The following FLT4 variants were observed in gnomAD, a reference collection of about 807,000 sequenced individuals.
FLT4 encodes the protein vascular endothelial growth factor receptor 3.
FLT4 carries 30 observed loss-of-function variants against 163.2 expected under a neutral mutation model. The ratio of observed to expected loss-of-function variants is 0.18; its 90% CI spans 0.14 to 0.25. FLT4 has a LOEUF of 0.25. Among genes scored for constraint, FLT4 ranks in the 10% least tolerant of loss-of-function variants. The pLI is 1.00. For synonymous variants in FLT4, 884 were observed against 789.5 expected, an observed-to-expected ratio of 1.12 and a Z score of -2.01; for missense variants, 1,510 against 1,863.8, an observed-to-expected ratio of 0.81 and a Z score of 3.50.
intron 1 of FLT4, among the ~76,000 whole-genome samples, chr5:180,641,262 G>A (rs959924719): frequency 2.0e-5 from 3 of 152,190 alleles, no homozygotes; most frequent in South Asian, 4.1e-4. Flanking sequence ...CTCCTGGGCC[G>A]GGGTGTCATC....
chr5:180,608,085 C>T (rs757097290), intron 29 of FLT4: 2 of 700,452 alleles, frequency 2.9e-6, no homozygotes, highest in South Asian at 3.0e-5. Context: ...ATCCGGAGGC[C>T]TAACCCCTCC....
At position 180,603,151 on chromosome 5, in the gene FLT4, G is replaced by A. The variant is rs762595641; in HGVS notation, c.*41C>T. 2.1e-5 allele frequency: 33 copies of A among 1,604,112 alleles called. 1 individual carries two copies. The South Asian group carries it at 2.9e-4, about 14-fold the overall frequency. ...CTCCAGCCCTCTGCCCGCCCTGCCG[G>A]GCCTGAACCCCCAAGTGCTGGGGGT... is the stretch of plus-strand genomic sequence containing the variant. On this transcript the variant is annotated 3_prime_UTR_variant, in exon 30 of 30. Transcript: ENST00000261937.
At chr5:180,611,699 A>G in intron 26 of FLT4, 4 of 606,318 alleles carry the variant, frequency 6.6e-6, no homozygotes, top group Non-Finnish European at 1.2e-5. Flanking sequence ...GCCCTAACAG[A>G]CCATGCGGGC....
intron 28 of FLT4, 83 bp downstream of exon 28, chr5:180,609,822 C>G: frequency 6.4e-7 from 1 of 1,557,462 alleles, no homozygotes; most frequent in East Asian, 2.3e-5. Context: ...TGCCATTTGC[C>G]TTACGAATTC....
chr5:180,618,996 G>A (rs759215416), intron 20 of FLT4, 25 bp downstream of exon 20: 3 of 1,547,410 alleles, frequency 1.9e-6, no homozygotes, highest in Non-Finnish European at 2.6e-6. Context: ...CGCCGCCCGC[G>A]GCGCCCCGCA....
rs757057248 is a variant in FLT4 at position 180,620,665 on chromosome 5, C to T, written c.2350G>A (p.Val784Ile). 59 of 1,613,538 alleles carry T rather than the reference C, an allele frequency of 3.7e-5. No homozygotes were observed. Among genetic ancestry groups the T allele is most frequent in the South Asian group, 1.1e-4 (10 of 91,084 alleles). Residue 784 changes from valine to isoleucine, a missense_variant, in exon 16 of 30, where the codon GTC becomes ATC. Coordinates refer to ENST00000261937, the MANE Select transcript of FLT4 (RefSeq NM_182925.5). This position sits in a 1 kb window ranked among gnomAD's most constrained non-coding sequence, Gnocchi z 4.4. ...MEIVILVGTG[V>I]IAVFFWVLLL... The stretch of plus-strand genomic sequence containing the variant: ...AGGACCCAGAAGAAGACAGCGATGA[C>T]GCCGGTACCGACAAGGATCACGATC...
chr5:180,626,466 G>A (rs1186114827), intron 8 of FLT4, among the ~76,000 whole-genome samples: 2 of 152,198 alleles, frequency 1.3e-5, no homozygotes, highest in African/African-American at 2.4e-5. Context: ...TGTGACAACC[G>A]TGTCAGGCGG....
intron 8 of FLT4, among the ~76,000 whole-genome samples, chr5:180,628,409 T>A (rs989936828): frequency 1.3e-5 from 2 of 152,194 alleles, no homozygotes; most frequent in Non-Finnish European, 2.9e-5. Context: ...CTGGAAGCTC[T>A]CTCGCTCGCT....
intron 2 of FLT4, among the ~76,000 whole-genome samples, chr5:180,631,294 A>C (rs2127840690): frequency 6.6e-6 from 1 of 152,140 alleles, no homozygotes; most frequent in East Asian, 1.9e-4. Flanking sequence ...TAACACGGTG[A>C]AACCCCGTCT....
intron 26 of FLT4, 82 bp from the exon 27 acceptor site, chr5:180,611,561 C>T (rs1762198904): frequency 6.9e-7 from 1 of 1,443,940 alleles, no homozygotes; most frequent in Non-Finnish European, 9.4e-7. Flanking sequence ...AGCCCTCACC[C>T]CCGCCCTCAG....
At chr5:180,616,324 CT>C in intron 23 of FLT4, 42 bp downstream of exon 23, 1 of 1,613,210 alleles carries the variant, frequency 6.2e-7, no homozygotes, top group Non-Finnish European at 8.5e-7. Context: ...ACCCCTTCAC[CT>C]GTTCCGCCCC....
chr5:180,603,584 C>T (rs983848313), intron 29 of FLT4, among the ~76,000 whole-genome samples, 194 bp from the exon 30 acceptor site: 17 of 152,130 alleles, frequency 1.1e-4, no homozygotes, highest in African/African-American at 3.9e-4. Flanking sequence ...TGGTGGTGCA[C>T]GCCTGCGGTC....
rs1478238135 is a variant in FLT4, at chr5:180,636,265, C to T, written c.59-4487G>A. Among the ~76,000 whole-genome samples the T allele has an allele frequency of 1.3e-5, 2 of 152,080 alleles. No individual in the cohort carries two copies. Among genetic ancestry groups the T allele is most frequent in the African/African-American group, 4.8e-5 (2 of 41,374 alleles). ...CTGCCTTTACCAACCTTCCACTGTG[C>T]CCTGTGTGATCGGCAAACTTTGCTG... On this transcript the variant is annotated intron_variant, in intron 1 of 29. Coordinates refer to ENST00000261937, the MANE Select transcript of FLT4 (RefSeq NM_182925.5). This position sits in a 1 kb window ranked among gnomAD's most constrained non-coding sequence, Gnocchi z 4.3.
Position 180,629,418 on chromosome 5 carries a change from C to A in FLT4, c.826G>T (p.Gly276Cys). 6.2e-7 allele frequency: 1 copy of A among 1,611,064 alleles called. No individual in the cohort carries two copies. Among genetic ancestry groups the A allele is most frequent in the Non-Finnish European group, 8.5e-7 (1 of 1,179,960 alleles). ...WDYPGKQAER[G>C]KWVPERRSQQ... is the part of the protein sequence containing the mutation. ...GAGCGTCGCTCGGGCACCCACTTAC[C>A]CCGCTCTGCCTGCCCGCACCCAGGG... Residue 276 changes from glycine (G) to cysteine (C), a missense_variant, in exon 7 of 30, where the codon GGT (glycine) becomes TGT (cysteine). Physicochemically the swap from Gly to Cys is radical, Grantham distance 159. Around this residue, in one of 5 missense-constraint regions of FLT4, gnomAD observed 163 missense variants for 281.1 expected, o/e 0.58. Coordinates refer to ENST00000261937, the MANE Select transcript of FLT4 (RefSeq NM_182925.5).
At chr5:180,625,747 A>G (rs1763551166) in intron 10 of FLT4, 122 bp downstream of exon 10, 1 of 899,436 alleles carries the variant, frequency 1.1e-6, no homozygotes, top group African/African-American at 1.6e-5. Context: ...AGTTCAGAGC[A>G]GGGCCCTGAG....
At chr5:180,642,123 C>T (rs371835425) in intron 1 of FLT4, among the ~76,000 whole-genome samples, 22 of 151,212 alleles carry the variant, frequency 1.5e-4, no homozygotes, top group African/African-American at 5.1e-4. Context: ...AGGAGAATGG[C>T]GTGAACCTGA....
intron 1 of FLT4, among the ~76,000 whole-genome samples, chr5:180,633,878 C>T (rs531292816): frequency 2.0e-5 from 3 of 152,324 alleles, no homozygotes; most frequent in African/African-American, 7.2e-5. Context: ...TGCCCAGCCC[C>T]ATGACTGCAG....
At chr5:180,615,229 G>A (rs151294633) in intron 23 of FLT4, among the ~76,000 whole-genome samples, 4 of 80,422 alleles carry the variant, frequency 5.0e-5, no homozygotes, top group Non-Finnish European at 8.4e-5. Context: ...TCCTTTTGGA[G>A]CACTGGGCCC....
At chr5:180,644,355 A>C (rs1434580930) in intron 1 of FLT4, among the ~76,000 whole-genome samples, 1 of 152,188 alleles carries the variant, frequency 6.6e-6, no homozygotes, top group Admixed American at 6.5e-5. Context: ...GACCTGGGGG[A>C]AATGTCTGCA....
Sources: allele counts gnomAD v4.1 joint callset (sites outside exome capture counted in the v4.1 genomes callset), GRCh38; gene constraint gnomAD v4.1.1; regional missense constraint gnomAD v4.1.1; non-coding constraint Gnocchi (gnomAD v3.1); transcripts MANE v1.5; gene names NCBI Gene and HGNC (gene_info 2026-07-23, HGNC 2026-07-21).